The following TEC variants were observed in gnomAD, a reference collection of about 807,000 sequenced individuals.
TEC encodes tyrosine-protein kinase Tec.
TEC carries 72 observed loss-of-function variants against 93.0 expected under a neutral mutation model. That is an observed-to-expected ratio of 0.77 (90% CI 0.64 to 0.94). TEC has a LOEUF of 0.94. Ranked by LOEUF, TEC falls within the 40% of genes least tolerant of loss-of-function variation. The pLI, the probability that TEC is intolerant of heterozygous loss-of-function variation, is 0.00. For missense variants in TEC, 630 were observed against 757.9 expected, an observed-to-expected ratio of 0.83 and a Z score of 1.98; for synonymous variants, 249 against 247.7, an observed-to-expected ratio of 1.01 and a Z score of -0.05.
intron 1 of TEC, among the ~76,000 whole-genome samples, chr4:48,240,391 A>T (rs1223166753): frequency 6.6e-6 from 1 of 152,084 alleles, no homozygotes; most frequent in Admixed American, 6.6e-5. Flanking sequence ...ACACAAGAAA[A>T]AGGTGGATGG....
intron 8 of TEC, among the ~76,000 whole-genome samples, chr4:48,160,749 G>GAAAGAAAGAAAAGAAAA (rs1382040694): frequency 8.0e-6 from 1 of 124,444 alleles, no homozygotes; most frequent in African/African-American, 3.0e-5. Context: ...AAGAAAGAAA[G>GAAAGAAAGAAAAGAAAA]AAAGAAAGAA....
intron 15 of TEC, among the ~76,000 whole-genome samples, chr4:48,139,726 C>T (rs1719583221): frequency 6.6e-6 from 1 of 152,194 alleles, no homozygotes; most frequent in African/African-American, 2.4e-5. Context: ...AAGACTTCAG[C>T]CCTTTCTGTA....
chr4:48,198,477 G>A (rs1307793757), intron 2 of TEC, among the ~76,000 whole-genome samples: 1 of 152,184 alleles, frequency 6.6e-6, no homozygotes, highest in African/African-American at 2.4e-5. Flanking sequence ...ACCTGGTACT[G>A]GAATCCCATT....
intron 2 of TEC, among the ~76,000 whole-genome samples, chr4:48,195,231 T>A (rs2109587673): frequency 6.6e-6 from 1 of 152,300 alleles, no homozygotes; most frequent in Admixed American, 6.5e-5. Flanking sequence ...GTACACGGGG[T>A]TCACTGTACT....
At chr4:48,179,943 A>T (rs181122098) in intron 2 of TEC, among the ~76,000 whole-genome samples, 104 of 152,326 alleles carry the variant, frequency 6.8e-4, no homozygotes, top group Non-Finnish European at 1.2e-3. Flanking sequence ...ATAACTGTCT[A>T]GCTCTAGGAG....
intron 1 of TEC, among the ~76,000 whole-genome samples, chr4:48,262,521 A>G (rs1724524908): frequency 6.6e-6 from 1 of 152,004 alleles, no homozygotes; most frequent in African/African-American, 2.4e-5. Context: ...TCTTAACTAT[A>G]AAGTGTCCAA....
intron 14 of TEC, among the ~76,000 whole-genome samples, chr4:48,143,457 C>A (rs1032191261): frequency 1.3e-5 from 2 of 152,188 alleles, no homozygotes; most frequent in Non-Finnish European, 2.9e-5. Flanking sequence ...TCTTCATCAT[C>A]CCTGACACAA....
chr4:48,244,021 G>A (rs1234524975), intron 1 of TEC, among the ~76,000 whole-genome samples: 2 of 151,502 alleles, frequency 1.3e-5, no homozygotes, highest in Non-Finnish European at 2.9e-5. Context: ...TGCCTGGGCT[G>A]GGCTAAAAAG....
chr4:48,141,488 C>A, intron 14 of TEC, 69 bp from the exon 15 acceptor site: 2 of 1,447,818 alleles, frequency 1.4e-6, no homozygotes, highest in Non-Finnish European at 1.9e-6. Context: ...AATGTAAGTT[C>A]TATTTATATT....
At chr4:48,160,989 T>C (rs1001094508) in intron 8 of TEC, among the ~76,000 whole-genome samples, 2 of 152,092 alleles carry the variant, frequency 1.3e-5, no homozygotes, top group Admixed American at 6.6e-5. Flanking sequence ...AATTAGGCCC[T>C]GAATTTGTAG....
intron 2 of TEC, among the ~76,000 whole-genome samples, chr4:48,221,075 T>C (rs1723243914): frequency 6.6e-6 from 1 of 152,170 alleles, no homozygotes; most frequent in East Asian, 1.9e-4. Flanking sequence ...CTTACTATTA[T>C]CAACTTATTA....
intron 2 of TEC, among the ~76,000 whole-genome samples, chr4:48,202,896 C>A (rs1327618894): frequency 6.6e-6 from 1 of 152,154 alleles, no homozygotes; most frequent in East Asian, 1.9e-4. Flanking sequence ...TAGAAAAGAA[C>A]ATTGCTGGCC....
rs570767104 is a variant in TEC at position 48,177,711 on chromosome 4, T to C, written c.139-1525A>G. Among the ~76,000 whole-genome samples, 3 of 152,298 alleles carry C rather than the reference T, an allele frequency of 2.0e-5. No individual in the cohort carries two copies. In the South Asian group the frequency reaches 6.2e-4, roughly 32 times the overall value. Reference sequence around the variant, plus strand: ...TCCCCACCCAAATCTCATCTCAGCATTGTAATCCCTACAATCCCCATGTGT... The same window carrying C: ...TCCCCACCCAAATCTCATCTCAGCACTGTAATCCCTACAATCCCCATGTGT... On this transcript the variant is annotated intron_variant, in intron 2 of 17. Coordinates refer to ENST00000381501, the MANE Select transcript of TEC (RefSeq NM_003215.3).
chr4:48,157,501 GC>G (rs1720449807), intron 8 of TEC, among the ~76,000 whole-genome samples: 1 of 152,040 alleles, frequency 6.6e-6, no homozygotes, highest in Non-Finnish European at 1.5e-5. Flanking sequence ...ACATCCCAAG[GC>G]CCTGCCAATC....
At chr4:48,263,712 A>G (rs1362137637) in intron 1 of TEC, among the ~76,000 whole-genome samples, 8 of 152,172 alleles carry the variant, frequency 5.3e-5, no homozygotes, top group Non-Finnish European at 1.0e-4. Flanking sequence ...GCCAAAAAAA[A>G]GAAAAGAAAG....
At chr4:48,155,423 C>T (rs111578484) in intron 9 of TEC, among the ~76,000 whole-genome samples, 3 of 152,278 alleles carry the variant, frequency 2.0e-5, no homozygotes, top group African/African-American at 7.2e-5. Context: ...TGGCAAAAGC[C>T]AGTTAGCACC....
At chr4:48,200,032 A>G (rs1722446839) in intron 2 of TEC, among the ~76,000 whole-genome samples, 1 of 152,226 alleles carries the variant, frequency 6.6e-6, no homozygotes, top group African/African-American at 2.4e-5. Flanking sequence ...ATTAAAATAA[A>G]ATAGAGATAG....
intron 11 of TEC, among the ~76,000 whole-genome samples, chr4:48,148,609 T>C (rs1199340442): frequency 6.6e-6 from 1 of 152,224 alleles, no homozygotes. Flanking sequence ...GCATCTTCTG[T>C]GACTATTCTG....
chr4:48,250,970 G>T (rs185659066), intron 1 of TEC, among the ~76,000 whole-genome samples: 1 of 152,128 alleles, frequency 6.6e-6, no homozygotes, highest in African/African-American at 2.4e-5. Context: ...TCATTATCCC[G>T]CATCAGGACT....
Sources: gnomAD v4.1 joint callset for allele counts (sites outside exome capture counted in the v4.1 genomes callset) on GRCh38, gnomAD v4.1.1 for gene constraint, MANE v1.5 for transcripts, NCBI Gene and HGNC (gene_info 2026-07-23, HGNC 2026-07-21) for gene names.